ST6GALNAC3: variants seen among roughly 807,000 people sequenced by gnomAD.
The protein encoded by ST6GALNAC3 is ST6 N-acetylgalactosaminide alpha-2,6-sialyltransferase 3.
In ST6GALNAC3, 25 loss-of-function variants were observed where a neutral mutation model predicts 32.7. That is an observed-to-expected ratio of 0.76 (90% CI 0.56 to 1.07). ST6GALNAC3 has a LOEUF of 1.07. Among genes scored for constraint, ST6GALNAC3 ranks in the 50% least tolerant of loss-of-function variants. ST6GALNAC3 has a pLI of 0.00. For missense variants in ST6GALNAC3, 355 were observed against 382.4 expected (o/e 0.93, Z 0.60); for synonymous variants, 129 against 133.1 (o/e 0.97, Z 0.21).
At chr1:76,434,101 C>T (rs1655963686) in intron 3 of ST6GALNAC3, among the ~76,000 whole-genome samples, 1 of 152,156 alleles carries the variant, frequency 6.6e-6, no homozygotes, top group Non-Finnish European at 1.5e-5. Flanking sequence ...ACCCAGAAAC[C>T]AAGGTGGCAG....
At chr1:76,358,822 G>A (rs1649700048) in intron 2 of ST6GALNAC3, among the ~76,000 whole-genome samples, 1 of 151,996 alleles carries the variant, frequency 6.6e-6, no homozygotes, top group South Asian at 2.1e-4. Context: ...ATCTTCCTTT[G>A]GTTCATCCTT....
chr1:76,506,456 T>G (rs1428117500), intron 3 of ST6GALNAC3, among the ~76,000 whole-genome samples: 1 of 152,204 alleles, frequency 6.6e-6, no homozygotes, highest in Non-Finnish European at 1.5e-5. Context: ...TGTGTGCATC[T>G]TCCCAGTCAC....
At chr1:76,519,797 A>G (rs1351686613) in intron 3 of ST6GALNAC3, among the ~76,000 whole-genome samples, 1 of 151,696 alleles carries the variant, frequency 6.6e-6, no homozygotes, top group Non-Finnish European at 1.5e-5. Flanking sequence ...TTGTGCTTTT[A>G]ATTTCCAAGG....
At chr1:76,510,549 C>G (rs1482765096) in intron 3 of ST6GALNAC3, among the ~76,000 whole-genome samples, 2 of 152,006 alleles carry the variant, frequency 1.3e-5, no homozygotes, top group Non-Finnish European at 2.9e-5. Context: ...ATAGTGGACC[C>G]AAGAATAATA....
chr1:76,611,750 A>T (rs1282217551), intron 3 of ST6GALNAC3, among the ~76,000 whole-genome samples: 1 of 152,214 alleles, frequency 6.6e-6, no homozygotes, highest in Non-Finnish European at 1.5e-5. Context: ...TGAAATCAGG[A>T]TTTGAATGCC....
chr1:76,104,749 T>C (rs1647404556), intron 1 of ST6GALNAC3, among the ~76,000 whole-genome samples: 1 of 152,108 alleles, frequency 6.6e-6, no homozygotes, highest in South Asian at 2.1e-4. Flanking sequence ...CTGGGCAATT[T>C]ACAAAAGAAA....
intron 1 of ST6GALNAC3, among the ~76,000 whole-genome samples, chr1:76,187,445 A>G (rs1460886980): frequency 6.6e-6 from 1 of 152,248 alleles, no homozygotes; most frequent in African/African-American, 2.4e-5. Context: ...TAAAGTAATT[A>G]CTGAAACTAA....
At chr1:76,217,617 C>T (rs764294390) in intron 1 of ST6GALNAC3, among the ~76,000 whole-genome samples, 8 of 152,140 alleles carry the variant, frequency 5.3e-5, no homozygotes, top group Non-Finnish European at 1.0e-4. Context: ...GCACCCATCA[C>T]CCAAGCAGTG....
At chr1:76,273,251 TAAGG>T (rs1461689585) in intron 1 of ST6GALNAC3, among the ~76,000 whole-genome samples, 1 of 151,832 alleles carries the variant, frequency 6.6e-6, no homozygotes, top group African/African-American at 2.4e-5. Flanking sequence ...TTAAAAACTC[TAAGG>T]AAATTTAACC....
chr1:76,606,674 C>G (rs2100651445), intron 3 of ST6GALNAC3, among the ~76,000 whole-genome samples: 1 of 151,568 alleles, frequency 6.6e-6, no homozygotes, highest in Non-Finnish European at 1.5e-5. Flanking sequence ...CACACATTTA[C>G]CTATGTAACA....
chr1:76,330,356 T>C lies in ST6GALNAC3; in HGVS notation c.213+16357T>C, dbSNP rs1048602587. Among the ~76,000 whole-genome samples the C allele has an allele frequency of 2.6e-5, 4 of 152,264 alleles. No homozygotes were observed. The East Asian group carries it at 7.7e-4, about 29-fold the overall frequency. ...TTAATAGAGATGGGGTTTCACCATG[T>C]TGGTGAGGCTGGTGTCAAATCAAAC... On this transcript the variant is annotated intron_variant, in intron 2 of 4. Coordinates refer to ENST00000328299, the MANE Select transcript of ST6GALNAC3 (RefSeq NM_152996.4).
rs184731203 is a variant in ST6GALNAC3, at chr1:76,255,009, T to C, written c.19-58796T>C. On this transcript the variant is annotated intron_variant, in intron 1 of 4. Coordinates refer to ENST00000328299, the MANE Select transcript of ST6GALNAC3 (RefSeq NM_152996.4). Reference sequence around the variant, plus strand: ...CTGGTTCAGCTAGCCTTCTGCGTGGTTTCTGCAAATCTCTCTCTCTCTTTT... The same window carrying C: ...CTGGTTCAGCTAGCCTTCTGCGTGGCTTCTGCAAATCTCTCTCTCTCTTTT... Among the ~76,000 whole-genome samples the C allele has an allele frequency of 2.9e-4, 44 of 149,998 alleles. No individual in the cohort carries two copies. In the South Asian group the frequency reaches 5.8e-3, roughly 20 times the overall value.
intron 1 of ST6GALNAC3, among the ~76,000 whole-genome samples, chr1:76,082,493 G>A (rs187447384): frequency 1.1e-3 from 172 of 152,282 alleles, no homozygotes; most frequent in South Asian, 4.6e-3. Context: ...GTAAAGGTTT[G>A]TCAGCAGGAG....
At chr1:76,358,032 G>T (rs1355426616) in intron 2 of ST6GALNAC3, among the ~76,000 whole-genome samples, 1 of 152,036 alleles carries the variant, frequency 6.6e-6, no homozygotes, top group East Asian at 1.9e-4. Flanking sequence ...TGACCTTCTG[G>T]CTATATTCAT....
chr1:76,250,804 C>A (rs1175570320), intron 1 of ST6GALNAC3, among the ~76,000 whole-genome samples: 1 of 152,050 alleles, frequency 6.6e-6, no homozygotes, highest in African/African-American at 2.4e-5. Flanking sequence ...AATACACATA[C>A]AAAATAATTA....
At chr1:76,355,212 A>G (rs1196327952) in intron 2 of ST6GALNAC3, among the ~76,000 whole-genome samples, 1 of 152,194 alleles carries the variant, frequency 6.6e-6, no homozygotes, top group Non-Finnish European at 1.5e-5. Context: ...CAAGCTTATT[A>G]CTAAGCAGCT....
intron 3 of ST6GALNAC3, among the ~76,000 whole-genome samples, chr1:76,467,769 A>G (rs183075526): frequency 6.6e-6 from 1 of 151,764 alleles, no homozygotes; most frequent in African/African-American, 2.4e-5. Context: ...TTTTGCAATT[A>G]TTTTTTCTTA....
At position 76,254,873 on chromosome 1, in the gene ST6GALNAC3, A is replaced by T. The variant is rs1331287714; in HGVS notation, c.19-58932A>T. Among the ~76,000 whole-genome samples the T allele has an allele frequency of 3.9e-5, 6 of 152,156 alleles. No individual in the cohort carries two copies. In the South Asian group the frequency reaches 1.2e-3, roughly 32 times the overall value. Reference sequence around the variant, plus strand: ...GCAGAAGAGTGGTTTTCATAAGGCAACTTGAGCAGGAACAATGAAACAGCA... The same window carrying T: ...GCAGAAGAGTGGTTTTCATAAGGCATCTTGAGCAGGAACAATGAAACAGCA... On this transcript the variant is annotated intron_variant, in intron 1 of 4. Coordinates refer to ENST00000328299, the MANE Select transcript of ST6GALNAC3 (RefSeq NM_152996.4).
chr1:76,438,822 C>T (rs911319951), intron 3 of ST6GALNAC3, among the ~76,000 whole-genome samples: 3 of 152,158 alleles, frequency 2.0e-5, no homozygotes, highest in African/African-American at 7.2e-5. Flanking sequence ...CTTCTTTCCT[C>T]AGGGCTGTTA....
Sources: allele counts gnomAD v4.1 joint callset (sites outside exome capture counted in the v4.1 genomes callset), GRCh38; gene constraint gnomAD v4.1.1; transcripts MANE v1.5; gene names NCBI Gene and HGNC (gene_info 2026-07-23, HGNC 2026-07-21).